The following AIG1 variants were observed in gnomAD, a reference collection of about 807,000 sequenced individuals.
The protein encoded by AIG1 is androgen-induced gene 1 protein.
AIG1 carries 23 observed loss-of-function variants against 31.4 expected under a neutral mutation model. The observed-to-expected ratio is 0.73, with a 90% CI of 0.53 to 1.04. The LOEUF (loss-of-function observed/expected upper bound fraction) is 1.04. Ranked by LOEUF, AIG1 falls within the 50% of genes least tolerant of loss-of-function variation. The probability of loss-of-function intolerance (pLI) is 0.00; values close to 1 mark genes in which losing one functional copy is unlikely to be tolerated. For missense variants in AIG1, 274 were observed against 295.0 expected (o/e 0.93, Z 0.52); for synonymous variants, 100 against 110.5 (o/e 0.90, Z 0.60).
intron 3 of AIG1, among the ~76,000 whole-genome samples, chr6:143,249,317 C>T (rs55739456): frequency 0.097 from 14,830 of 152,158 alleles, 773 homozygotes; most frequent in South Asian, 0.17. Flanking sequence ...AAGTATTCCT[C>T]GACGACGACG....
intron 3 of AIG1, among the ~76,000 whole-genome samples, chr6:143,236,181 G>A (rs1021146342): frequency 6.6e-6 from 1 of 152,204 alleles, no homozygotes; most frequent in African/African-American, 2.4e-5. Flanking sequence ...TGGGCCTTAC[G>A]AGTTGTGCCA....
In AIG1 at chr6:143,325,593, A is replaced by G. The variant is rs2128718591; in HGVS notation, c.516-7689A>G. Among the ~76,000 whole-genome samples the G allele has an allele frequency of 6.6e-6, 1 of 152,336 alleles. No individual in the cohort carries two copies. Among genetic ancestry groups the G allele is most frequent in the Middle Eastern group, 3.4e-3 (1 of 294 alleles). On this transcript the variant is annotated intron_variant, in intron 4 of 5. Transcript: ENST00000357847. This position sits in a 1 kb window ranked among gnomAD's most constrained non-coding sequence, Gnocchi z 4.3. ...TTTCCACCCTGCTAATCAAGCCAGGAATCTGTGATTAATCCTTAACTCATC... is the reference window on the plus strand; with the variant it reads ...TTTCCACCCTGCTAATCAAGCCAGGGATCTGTGATTAATCCTTAACTCATC...
intron 5 of AIG1, among the ~76,000 whole-genome samples, chr6:143,337,676 T>C (rs1051178812): frequency 2.0e-5 from 3 of 151,992 alleles, no homozygotes; most frequent in Admixed American, 2.0e-4. Flanking sequence ...ACAGGAGACG[T>C]CTATGTGTGC....
At chr6:143,336,402 C>T (rs1001511386) in intron 5 of AIG1, among the ~76,000 whole-genome samples, 1 of 152,186 alleles carries the variant, frequency 6.6e-6, no homozygotes, top group African/African-American at 2.4e-5. Context: ...TTAAGTGACC[C>T]TCCAGAACAG....
At position 143,221,081 on chromosome 6, in the gene AIG1, A is replaced by G. The variant is rs866472939; in HGVS notation, c.399+55898A>G. On this transcript the variant is annotated intron_variant, in intron 3 of 5. Transcript: ENST00000357847. The stretch of plus-strand genomic sequence containing the variant: ...AGGTGGGTAATTTACAAGACAATTT[A>G]CCTGCCACGGGTGCTTTAATGAGTA... Among the ~76,000 whole-genome samples the G allele has an allele frequency of 1.2e-3, 183 of 152,218 alleles. 1 individual carries two copies. The highest frequency in any genetic ancestry group is 4.2e-3 in the African/African-American group (176 of 41,524).
chr6:143,098,113 C>T (rs1278196292), intron 1 of AIG1, among the ~76,000 whole-genome samples: 1 of 152,126 alleles, frequency 6.6e-6, no homozygotes, highest in African/African-American at 2.4e-5. Flanking sequence ...CCTAGTGTCA[C>T]TCTATTTTTC....
intron 2 of AIG1, among the ~76,000 whole-genome samples, chr6:143,163,472 T>G (rs1370341040): frequency 6.6e-6 from 1 of 152,176 alleles, no homozygotes; most frequent in South Asian, 2.1e-4. Context: ...ACAAAATTCC[T>G]AGGATCCTCA....
At chr6:143,071,335 G>A (rs753234501) in intron 1 of AIG1, among the ~76,000 whole-genome samples, 56 of 152,180 alleles carry the variant, frequency 3.7e-4, no homozygotes, top group Non-Finnish European at 1.2e-4. Context: ...CCATTTATCC[G>A]TTAAGGGATA....
At chr6:143,260,236 C>A (rs1795658689) in intron 3 of AIG1, among the ~76,000 whole-genome samples, 1 of 152,040 alleles carries the variant, frequency 6.6e-6, no homozygotes, top group Non-Finnish European at 1.5e-5. Flanking sequence ...TGGTCTTGAT[C>A]TCTTGACCTC....
At chr6:143,097,948 C>T (rs185040255) in intron 1 of AIG1, among the ~76,000 whole-genome samples, 100 of 152,334 alleles carry the variant, frequency 6.6e-4, no homozygotes, top group African/African-American at 2.3e-3. Flanking sequence ...CATACCTACT[C>T]GAGCATTTTA....
chr6:143,235,234 A>G (rs1793723510), intron 3 of AIG1, among the ~76,000 whole-genome samples: 1 of 152,190 alleles, frequency 6.6e-6, no homozygotes, highest in African/African-American at 2.4e-5. Flanking sequence ...TTTTTCATCA[A>G]ATGAGATGCT....
chr6:143,173,988 G>A (rs886142632), intron 3 of AIG1, among the ~76,000 whole-genome samples: 1 of 152,146 alleles, frequency 6.6e-6, no homozygotes, highest in African/African-American at 2.4e-5. Context: ...GTGGAGTATT[G>A]AAGTCCCGCA....
chr6:143,165,966 T>C (rs1285532742), intron 3 of AIG1, among the ~76,000 whole-genome samples: 1 of 152,128 alleles, frequency 6.6e-6, no homozygotes, highest in Non-Finnish European at 1.5e-5. Flanking sequence ...GTTACAGCAG[T>C]TTTTAGAATA....
intron 3 of AIG1, among the ~76,000 whole-genome samples, chr6:143,234,307 A>G (rs1273793792): frequency 1.3e-5 from 2 of 152,258 alleles, no homozygotes; most frequent in Non-Finnish European, 2.9e-5. Context: ...ATAAAAGAAG[A>G]AAAAGTAATG....
At chr6:143,210,061 A>G (rs1283294145) in intron 3 of AIG1, among the ~76,000 whole-genome samples, 2 of 152,146 alleles carry the variant, frequency 1.3e-5, no homozygotes, top group African/African-American at 4.8e-5. Context: ...GGTGGGAGGT[A>G]ATTTAATCAT....
intron 3 of AIG1, among the ~76,000 whole-genome samples, chr6:143,249,653 C>G (rs1389048111): frequency 6.6e-6 from 1 of 152,240 alleles, no homozygotes; most frequent in African/African-American, 2.4e-5. Context: ...GGTTTCTCCA[C>G]TGTTACAGAC....
chr6:143,173,139 T>A (rs534903505), intron 3 of AIG1, among the ~76,000 whole-genome samples: 1 of 152,268 alleles, frequency 6.6e-6, no homozygotes, highest in East Asian at 1.9e-4. Flanking sequence ...CACTGCAACC[T>A]CCGCCTCCTG....
chr6:143,159,262 G>A (rs907472842), intron 2 of AIG1, among the ~76,000 whole-genome samples: 1 of 152,222 alleles, frequency 6.6e-6, no homozygotes, highest in Non-Finnish European at 1.5e-5. Context: ...GAGCAAGACA[G>A]AACATGGCAC....
intron 3 of AIG1, among the ~76,000 whole-genome samples, chr6:143,218,842 A>C (rs1792240074): frequency 6.6e-6 from 1 of 152,174 alleles, no homozygotes; most frequent in South Asian, 2.1e-4. Context: ...CTCTTTAACC[A>C]ATTTTCAGCT....
Sources: gnomAD v4.1 joint callset for allele counts (sites outside exome capture counted in the v4.1 genomes callset) on GRCh38, gnomAD v4.1.1 for gene constraint, Gnocchi (gnomAD v3.1) non-coding constraint, MANE v1.5 for transcripts, NCBI Gene and HGNC (gene_info 2026-07-23, HGNC 2026-07-21) for gene names.